Variants in FSTL5 observed in about 807,000 individuals in gnomAD.
FSTL5 encodes follistatin-related protein 5.
In FSTL5, 62 loss-of-function variants were observed where a neutral mutation model predicts 89.1. The observed-to-expected ratio is 0.70, with a 90% confidence interval of 0.57 to 0.86. The LOEUF is 0.86. Ranked by LOEUF, FSTL5 falls within the 40% of genes least tolerant of loss-of-function variation. The probability of loss-of-function intolerance (pLI) is 0.00; values close to 1 mark genes in which losing one functional copy is unlikely to be tolerated. For missense variants in FSTL5, 1,057 were observed against 1,001.6 expected (o/e 1.06, Z -0.75); for synonymous variants, 383 against 346.2 (o/e 1.11, Z -1.18).
intron 8 of FSTL5, among the ~76,000 whole-genome samples, chr4:161,560,320 G>A (rs1732548498): frequency 6.6e-6 from 1 of 151,880 alleles, no homozygotes. Flanking sequence ...TGAGTATGTG[G>A]TGAGTGAATA....
At chr4:161,522,163 C>T (rs1462037677) in intron 10 of FSTL5, among the ~76,000 whole-genome samples, 1 of 152,068 alleles carries the variant, frequency 6.6e-6, no homozygotes, top group Admixed American at 6.5e-5. Flanking sequence ...GAAACAAGGG[C>T]AGAACAAACA....
intron 6 of FSTL5, among the ~76,000 whole-genome samples, chr4:161,708,597 T>C (rs1271071355): frequency 6.6e-6 from 1 of 152,008 alleles, no homozygotes; most frequent in African/African-American, 2.4e-5. Flanking sequence ...ATTAAAGTCA[T>C]TTATATAAAT....
At chr4:161,980,801 G>A (rs183113877) in intron 3 of FSTL5, among the ~76,000 whole-genome samples, 1,169 of 111,956 alleles carry the variant, frequency 0.01, 17 homozygotes, top group African/African-American at 0.036. Flanking sequence ...TTTAGAGACA[G>A]AGTCTCACTC....
At chr4:161,452,162 C>T (rs923239040) in intron 15 of FSTL5, among the ~76,000 whole-genome samples, 2 of 152,144 alleles carry the variant, frequency 1.3e-5, no homozygotes, top group Non-Finnish European at 2.9e-5. Flanking sequence ...TATTTAACTA[C>T]ATGCTGAATT....
chr4:161,480,946 C>G, intron 13 of FSTL5, 74 bp downstream of exon 13: 1 of 1,017,046 alleles, frequency 9.8e-7, no homozygotes, highest in South Asian at 1.7e-5. Flanking sequence ...AATCAAGTTA[C>G]CTGGTAAAGA....
intron 6 of FSTL5, among the ~76,000 whole-genome samples, chr4:161,696,175 G>C (rs1738158583): frequency 6.6e-6 from 1 of 152,088 alleles, no homozygotes; most frequent in Non-Finnish European, 1.5e-5. Flanking sequence ...TCTCCTACTT[G>C]TGGCCTGCCA....
chr4:161,713,137 T>C (rs1738856766), intron 6 of FSTL5, among the ~76,000 whole-genome samples: 1 of 152,212 alleles, frequency 6.6e-6, no homozygotes, highest in Non-Finnish European at 1.5e-5. Context: ...AAGTCCGAGC[T>C]CTTCCTAAAC....
At chr4:161,758,618 A>G (rs1387583914) in intron 6 of FSTL5, among the ~76,000 whole-genome samples, 1 of 152,106 alleles carries the variant, frequency 6.6e-6, no homozygotes, top group Non-Finnish European at 1.5e-5. Flanking sequence ...CCCGGGTTCA[A>G]GTGATTCTCC....
intron 4 of FSTL5, among the ~76,000 whole-genome samples, chr4:161,836,506 C>T (rs995023731): frequency 6.6e-6 from 1 of 151,840 alleles, no homozygotes; most frequent in Admixed American, 6.6e-5. Context: ...AGAAATGTTC[C>T]TGCACAAGCA....
chr4:161,673,313 A>C (rs1737184856), intron 6 of FSTL5, among the ~76,000 whole-genome samples: 1 of 152,034 alleles, frequency 6.6e-6, no homozygotes, highest in Admixed American at 6.6e-5. Context: ...TTTACATGTA[A>C]AAGTTTTCAA....
At chr4:161,679,733 T>C (rs938652687) in intron 6 of FSTL5, among the ~76,000 whole-genome samples, 1 of 151,870 alleles carries the variant, frequency 6.6e-6, no homozygotes, top group Non-Finnish European at 1.5e-5. Context: ...TTAAAACTAA[T>C]AGCCAATATG....
At chr4:161,518,101 A>G (rs916270089) in intron 10 of FSTL5, among the ~76,000 whole-genome samples, 3 of 152,192 alleles carry the variant, frequency 2.0e-5, no homozygotes, top group African/African-American at 7.2e-5. Flanking sequence ...GCCACTTTCA[A>G]ATGAACCTGT....
intron 12 of FSTL5, among the ~76,000 whole-genome samples, chr4:161,499,292 T>A (rs1047975279): frequency 1.3e-5 from 2 of 152,200 alleles, no homozygotes; most frequent in Non-Finnish European, 2.9e-5. Context: ...ATGGTAAGAA[T>A]TTTACTTAAT....
chr4:161,854,972 T>C (rs1731678239), intron 4 of FSTL5, among the ~76,000 whole-genome samples: 1 of 146,982 alleles, frequency 6.8e-6, no homozygotes, highest in Admixed American at 7.0e-5. Flanking sequence ...TCACAATTCT[T>C]TTGAGGATAT....
At chr4:161,891,135 T>C (rs1732976677) in intron 4 of FSTL5, among the ~76,000 whole-genome samples, 1 of 152,206 alleles carries the variant, frequency 6.6e-6, no homozygotes, top group African/African-American at 2.4e-5. Flanking sequence ...GTCAACTATG[T>C]ATCTTGCTGC....
At chr4:162,124,762 C>T (rs1032979526) in intron 1 of FSTL5, among the ~76,000 whole-genome samples, 20 of 152,088 alleles carry the variant, frequency 1.3e-4, no homozygotes, top group African/African-American at 4.6e-4. Context: ...TGCAGTGGTG[C>T]GATCTCAGCT....
At chr4:162,155,520 C>G (rs1733431962) in intron 1 of FSTL5, among the ~76,000 whole-genome samples, 1 of 152,154 alleles carries the variant, frequency 6.6e-6, no homozygotes, top group Non-Finnish European at 1.5e-5. Flanking sequence ...GTGGCTAAGT[C>G]TGTGATAATT....
At chr4:161,573,817 G>T (rs528835152) in intron 8 of FSTL5, among the ~76,000 whole-genome samples, 72 of 146,538 alleles carry the variant, frequency 4.9e-4, no homozygotes, top group African/African-American at 1.8e-3. Context: ...CAAAAGAAAA[G>T]ACAGAAAAGA....
chr4:161,821,391 C>T (rs999825988), intron 4 of FSTL5, among the ~76,000 whole-genome samples: 1 of 152,092 alleles, frequency 6.6e-6, no homozygotes, highest in Non-Finnish European at 1.5e-5. Flanking sequence ...AGATTCCATA[C>T]TAAGTTCTTA....
Sources: allele counts gnomAD v4.1 joint callset (sites outside exome capture counted in the v4.1 genomes callset), GRCh38; gene constraint gnomAD v4.1.1; transcripts MANE v1.5; gene names NCBI Gene and HGNC (gene_info 2026-07-23, HGNC 2026-07-21).